The following TKT variants were observed in gnomAD, a reference collection of about 807,000 sequenced individuals.
TKT encodes transketolase.
In TKT, 47 loss-of-function variants were observed where a neutral mutation model predicts 63.9. That is an observed-to-expected ratio of 0.74 (90% CI 0.58 to 0.94). TKT has a LOEUF of 0.94. TKT is among the 40% of genes least tolerant of loss of function. The pLI, the probability that TKT is intolerant of heterozygous loss-of-function variation, is 0.00. For missense variants in TKT, 721 were observed against 846.2 expected (o/e 0.85, Z 1.84); for synonymous variants, 338 against 334.1 (o/e 1.01, Z -0.13).
chr3:53,232,395 A>G (rs545570550), intron 6 of TKT: 95 of 398,686 alleles, frequency 2.4e-4, no homozygotes, highest in South Asian at 5.1e-4. Flanking sequence ...CTGAGTCTAC[A>G]TGGGCAGAAC....
At chr3:53,233,524 T>C in intron 5 of TKT, 1 of 396,080 alleles carries the variant, frequency 2.5e-6, no homozygotes, top group South Asian at 4.2e-5. Flanking sequence ...TCCTCTTAAG[T>C]AATCCAGAGC....
At position 53,233,151 on chromosome 3, in the gene TKT, C is replaced by G. The variant is rs1704847306; in HGVS notation, c.748+5G>C. On this transcript the variant is annotated splice_donor_5th_base_variant and intron_variant, in intron 6 of 13. Transcript: ENST00000462138. Reference sequence around the variant, plus strand: ...AGGTGGGGAGGGCGGCTTGTGCATACTGACCCGTGATCCCTCGGCCCTTGA... The same window carrying G: ...AGGTGGGGAGGGCGGCTTGTGCATAGTGACCCGTGATCCCTCGGCCCTTGA... 2 of 1,612,612 alleles carry G rather than the reference C, an allele frequency of 1.2e-6. No homozygotes were observed. Among genetic ancestry groups the G allele is most frequent in the African/African-American group, 2.7e-5 (2 of 74,936 alleles).
chr3:53,251,323 T>C (rs1349978949), intron 1 of TKT, among the ~76,000 whole-genome samples: 2 of 152,222 alleles, frequency 1.3e-5, no homozygotes, highest in Non-Finnish European at 2.9e-5. Context: ...CTGAGAAATC[T>C]TTGCCACCAG....
At chr3:53,243,384 A>G (rs1705368243) in intron 1 of TKT, among the ~76,000 whole-genome samples, 2 of 151,990 alleles carry the variant, frequency 1.3e-5, no homozygotes, top group Admixed American at 1.3e-4. Flanking sequence ...TCACACGAAG[A>G]CACGCCGCAT....
At chr3:53,251,705 T>C (rs957606508) in intron 1 of TKT, among the ~76,000 whole-genome samples, 7 of 152,186 alleles carry the variant, frequency 4.6e-5, no homozygotes, top group Non-Finnish European at 1.0e-4. Flanking sequence ...TGGTAGCACA[T>C]GTCTGTGGTC....
At chr3:53,227,215 G>A in intron 12 of TKT, 1 of 218,058 alleles carries the variant, frequency 4.6e-6, no homozygotes, top group Middle Eastern at 1.8e-3. Context: ...CTGGCCTGAT[G>A]GAAGGTGAGG....
intron 4 of TKT, 87 bp downstream of exon 4, chr3:53,240,164 G>A (rs1553679461): frequency 7.8e-7 from 1 of 1,281,912 alleles, no homozygotes; most frequent in African/African-American, 1.5e-5. Flanking sequence ...GAAAGAGGAA[G>A]AGTCTGGGGG....
rs139724440 is a variant in TKT at position 53,229,426 on chromosome 3, G to A, written c.1118C>T (p.Ala373Val). 35 of 1,606,624 alleles carry A rather than the reference G, an allele frequency of 2.2e-5. 1 individual carries two copies. Among genetic ancestry groups the A allele is most frequent in the Non-Finnish European group, 2.8e-5 (33 of 1,176,778 alleles). ...YIAEQNMVSIAVGCATRNRTV... is the reference protein window; with the variant it reads ...YIAEQNMVSIVVGCATRNRTV... The stretch of plus-strand genomic sequence containing the variant: ...CCTGTTGCGGGTGGCACAGCCCACC[G>A]CGATGCTCACCTGGGGGCAGGTGGG... The change falls in exon 9 of 14, where the codon GCG (alanine) becomes GTG (valine). Residue 373 changes from alanine (A) to valine (V), a missense_variant. Coordinates refer to ENST00000462138, the MANE Select transcript of TKT (RefSeq NM_001064.4).
intron 1 of TKT, among the ~76,000 whole-genome samples, chr3:53,243,896 T>C (rs945184147): frequency 3.9e-5 from 6 of 152,328 alleles, no homozygotes; most frequent in Admixed American, 1.3e-4. Context: ...TGGGCCAAAC[T>C]GTTCCGGGGA....
At position 53,225,585 on chromosome 3, in the gene TKT, G is replaced by A. The variant is rs1704460332; in HGVS notation, c.*171C>T. 2.5e-6 allele frequency: 2 copies of A among 794,564 alleles called. No homozygotes were observed. The highest frequency in any genetic ancestry group is 1.7e-5 in the African/African-American group (1 of 57,150). The allele number at this position is 794,564 out of a possible 1,614,324, so 49.2% of individuals were successfully genotyped here. A position where few individuals can be genotyped will look rare whatever the true frequency, so the allele number is the denominator to read the frequency against. On this transcript the variant is annotated 3_prime_UTR_variant, in exon 14 of 14. Transcript: ENST00000462138. ...CCAGCCTCCCTAGCGCACCCTCCAC[G>A]CTTCTTCCCCAGAACCTGCACTGGC...
At chr3:53,253,910 T>C (rs1310282364) in intron 1 of TKT, among the ~76,000 whole-genome samples, 2 of 152,150 alleles carry the variant, frequency 1.3e-5, no homozygotes, top group East Asian at 1.9e-4. Flanking sequence ...CCAAGAAGCA[T>C]TCCTGACAGC....
At chr3:53,230,414 C>T (rs369995332) in intron 8 of TKT, 43 bp downstream of exon 8, 125 of 1,613,020 alleles carry the variant, frequency 7.7e-5, no homozygotes, top group Non-Finnish European at 9.8e-5. Flanking sequence ...GACCACAGCC[C>T]TCAGCCTTGG....
intron 1 of TKT, among the ~76,000 whole-genome samples, chr3:53,246,920 G>A (rs537915805): frequency 2.6e-5 from 4 of 152,080 alleles, no homozygotes. Flanking sequence ...TCTTTCTCAG[G>A]GGAAGGGAAG....
Position 53,233,282 on chromosome 3 carries a change from C to T in TKT, c.630-8G>A, listed in dbSNP as rs782724491. The T allele has an allele frequency of 6.2e-7, 1 of 1,606,186 alleles. No individual in the cohort carries two copies. The highest frequency in any genetic ancestry group is 8.5e-7 in the Non-Finnish European group (1 of 1,175,866). On this transcript the variant is annotated splice_polypyrimidine_tract_variant and splice_region_variant and intron_variant, in intron 5 of 13. Coordinates refer to ENST00000462138, the MANE Select transcript of TKT (RefSeq NM_001064.4). ...ACGATGATGGCATGCCAACTGGGGACAGGGGGCAGAGAGTAAGGGGCAATT... is the reference window on the plus strand; with the variant it reads ...ACGATGATGGCATGCCAACTGGGGATAGGGGGCAGAGAGTAAGGGGCAATT...
chr3:53,251,557 C>A (rs1290177295), intron 1 of TKT, among the ~76,000 whole-genome samples: 3 of 152,206 alleles, frequency 2.0e-5, no homozygotes, highest in African/African-American at 7.2e-5. Flanking sequence ...GCTTCCTGGG[C>A]CTGGTGAGGT....
intron 11 of TKT, 34 bp downstream of exon 11, chr3:53,228,242 C>T: frequency 1.9e-6 from 3 of 1,613,950 alleles, no homozygotes; most frequent in Non-Finnish European, 2.5e-6. Context: ...GTCCAGGCAG[C>T]TCTGTGGGCT....
rs1553676239 is a variant in TKT, at chr3:53,228,988, G to T, written c.1395+19C>A. 1 of 1,613,806 alleles carries T rather than the reference G, an allele frequency of 6.2e-7. No homozygotes were observed. The highest frequency in any genetic ancestry group is 1.7e-5 in the Admixed American group (1 of 59,988). ...AAGTGATGGCTGCCAGCAGGAGAAA[G>T]AACAGCCATGCAACCTACCTTTGTA... is the stretch of plus-strand genomic sequence containing the variant. On this transcript the variant is annotated intron_variant, in intron 10 of 13. Coordinates refer to ENST00000462138, the MANE Select transcript of TKT (RefSeq NM_001064.4).
chr3:53,226,476 C>G (rs1704502152), intron 13 of TKT: 1 of 449,882 alleles, frequency 2.2e-6, no homozygotes, highest in South Asian at 2.3e-5. Flanking sequence ...TACACTACCT[C>G]AGGGACGCCA....
At chr3:53,247,085 G>A (rs1200139361) in intron 1 of TKT, among the ~76,000 whole-genome samples, 2 of 151,118 alleles carry the variant, frequency 1.3e-5, no homozygotes, top group African/African-American at 4.9e-5. Context: ...TAAATATTCA[G>A]GTGGCTCACG....
Sources: allele counts gnomAD v4.1 joint callset (sites outside exome capture counted in the v4.1 genomes callset), GRCh38; gene constraint gnomAD v4.1.1; transcripts MANE v1.5; gene names NCBI Gene and HGNC (gene_info 2026-07-23, HGNC 2026-07-21).